The following PBRM1 variants were observed in gnomAD, a reference collection of about 807,000 sequenced individuals.
PBRM1 encodes protein polybromo-1.
Under a neutral mutation model 194.5 loss-of-function variants are expected in PBRM1, and 27 were observed. The observed-to-expected ratio is 0.14, with a 90% CI of 0.10 to 0.19. The LOEUF is 0.19. Among genes scored for constraint, PBRM1 ranks in the 10% least tolerant of loss-of-function variants. The pLI is 1.00. For synonymous variants in PBRM1, 655 were observed against 693.2 expected (o/e 0.94, Z 0.87); for missense variants, 1,466 against 2,077.2 (o/e 0.71, Z 5.72).
chr3:52,573,801 T>C (rs1322649775), intron 22 of PBRM1, among the ~76,000 whole-genome samples: 2 of 152,178 alleles, frequency 1.3e-5, no homozygotes, highest in Non-Finnish European at 2.9e-5. Context: ...TGACTGAAAC[T>C]TGGCAGGAAA....
chr3:52,598,758 C>T (rs1384455673), intron 17 of PBRM1, among the ~76,000 whole-genome samples: 5 of 152,198 alleles, frequency 3.3e-5, no homozygotes, highest in South Asian at 2.1e-4. Context: ...CAGTGGCTCA[C>T]GCCTGTAATC....
intron 16 of PBRM1, among the ~76,000 whole-genome samples, chr3:52,605,016 A>AC (rs1466746545): frequency 1.4e-5 from 2 of 144,988 alleles, no homozygotes; most frequent in African/African-American, 2.5e-5. Flanking sequence ...GGCAAAATAA[A>AC]CTTCAGACTT....
At chr3:52,643,289 G>A (rs771317383) in exon 9 of PBRM1, 15 of 1,613,632 alleles carry the variant, frequency 9.3e-6, no homozygotes, top group Non-Finnish European at 1.2e-5. Flanking sequence ...CACCAAGGCT[G>A]CCTTTACTGT....
At chr3:52,591,988 G>A (rs574666876) in intron 17 of PBRM1, among the ~76,000 whole-genome samples, 10 of 147,770 alleles carry the variant, frequency 6.8e-5, no homozygotes, top group African/African-American at 1.3e-4. Flanking sequence ...GACCATGCCC[G>A]GCTAATTTTT....
At position 52,548,251 on chromosome 3, in the gene PBRM1, C is replaced by G; in HGVS notation, c.4898-16G>C. The G allele has an allele frequency of 1.9e-6, 3 of 1,542,842 alleles. No individual in the cohort carries two copies. Among genetic ancestry groups the G allele is most frequent in the Non-Finnish European group, 2.6e-6 (3 of 1,150,404 alleles). The stretch of plus-strand genomic sequence containing the variant: ...CGTCTTCGAGCTGAAAATTAAAGTA[C>G]AGAGAGACAGAAATTAGAATTTTAA... On this transcript the variant is annotated splice_polypyrimidine_tract_variant and intron_variant, in intron 29 of 29. Transcript: ENST00000296302.
At position 52,609,994 on chromosome 3, in the gene PBRM1, T is replaced by C; in HGVS notation, c.1925-39A>G. On this transcript the variant is annotated intron_variant, in intron 15 of 29. Coordinates refer to ENST00000296302, the Ensembl canonical transcript of PBRM1. This position sits in a 1 kb window ranked among gnomAD's most constrained non-coding sequence, Gnocchi z 4.1. ...TTTAATGTTAAATGAATAAAATAAATGAACCTAAATTTGTATACAGATGGT... is the reference window on the plus strand; with the variant it reads ...TTTAATGTTAAATGAATAAAATAAACGAACCTAAATTTGTATACAGATGGT... 1 of 1,278,804 alleles carries C rather than the reference T, an allele frequency of 7.8e-7. No homozygotes were observed. The highest frequency in any genetic ancestry group is 1.8e-5 in the South Asian group (1 of 56,274). 79.2% of individuals were successfully genotyped at this position (1,278,804 alleles called of 1,614,324 possible).
intron 17 of PBRM1, among the ~76,000 whole-genome samples, chr3:52,589,681 A>G (rs1291871347): frequency 2.0e-5 from 3 of 152,176 alleles, no homozygotes; most frequent in African/African-American, 7.2e-5. Context: ...TTACACGAAT[A>G]TGACACATTT....
intron 5 of PBRM1, among the ~76,000 whole-genome samples, chr3:52,652,629 G>C (rs535221122): frequency 3.9e-5 from 6 of 151,974 alleles, no homozygotes; most frequent in Admixed American, 3.9e-4. Context: ...GGCAGAGGTT[G>C]CAGCGAGCCG....
At chr3:52,600,927 G>A (rs1285429237) in intron 17 of PBRM1, among the ~76,000 whole-genome samples, 5 of 152,122 alleles carry the variant, frequency 3.3e-5, no homozygotes, top group African/African-American at 7.2e-5. Flanking sequence ...ATGAGCCACC[G>A]TGCCCAGCCG....
At chr3:52,668,796 A>AAAG in intron 2 of PBRM1, 151 bp from the exon 4 acceptor site, 32 of 433,500 alleles carry the variant, frequency 7.4e-5, no homozygotes, top group Non-Finnish European at 1.0e-4. Context: ...AAAAAAAAAA[A>AAAG]AAAGAAAAAA....
rs1268414523 is a variant in PBRM1, at chr3:52,652,359, GGGGGACAAGAAA to G, written c.646-561_646-550del. Among the ~76,000 whole-genome samples, 3 of 149,746 alleles carry G rather than the reference GGGGGACAAGAAA, an allele frequency of 2.0e-5. No individual in the cohort carries two copies. In the East Asian group the frequency reaches 6.0e-4, roughly 30 times the overall value. On this transcript the variant is annotated intron_variant, in intron 5 of 29. Coordinates refer to ENST00000296302, the Ensembl canonical transcript of PBRM1. ...AGATCGTGCCATTATACTCCAGCCT[GGGGGACAAGAAA>G]GAGACTTCGTCTCAAAAAAAAAAAA...
At chr3:52,553,055 G>A (rs977430577) in intron 27 of PBRM1, among the ~76,000 whole-genome samples, 4 of 152,206 alleles carry the variant, frequency 2.6e-5, no homozygotes, top group African/African-American at 7.2e-5. Context: ...ACACTGCTGG[G>A]TGCACCCTCC....
intron 20 of PBRM1, 73 bp downstream of exon 22, chr3:52,586,352 C>G (rs137918288): frequency 7.8e-7 from 1 of 1,280,852 alleles, no homozygotes; most frequent in African/African-American, 1.5e-5. Context: ...AGTTTGAATA[C>G]TTTATTCATT....
At chr3:52,656,097 G>C (rs1452573285) in intron 5 of PBRM1, among the ~76,000 whole-genome samples, 1 of 152,180 alleles carries the variant, frequency 6.6e-6, no homozygotes, top group Non-Finnish European at 1.5e-5. Context: ...TGAGAATGCT[G>C]AGGCCATGAA....
chr3:52,625,397 G>A (rs932794447), intron 13 of PBRM1, among the ~76,000 whole-genome samples: 1 of 151,866 alleles, frequency 6.6e-6, no homozygotes, highest in Admixed American at 6.6e-5. Flanking sequence ...ATCTTTTAAC[G>A]TCCACTCATG....
chr3:52,589,215 G>A (rs2092764516), exon 18 of PBRM1: 1 of 1,573,054 alleles, frequency 6.4e-7, no homozygotes, highest in South Asian at 1.2e-5. Context: ...GTAAGCCTGA[G>A]AGGCCTGCAG....
chr3:52,604,597 G>C (rs1425135996), intron 16 of PBRM1, among the ~76,000 whole-genome samples: 1 of 152,124 alleles, frequency 6.6e-6, no homozygotes, highest in Non-Finnish European at 1.5e-5. Flanking sequence ...GGAAGCTGAG[G>C]CGGGAGGGTC....
At chr3:52,664,400 A>C (rs2096786321) in intron 3 of PBRM1, among the ~76,000 whole-genome samples, 1 of 143,844 alleles carries the variant, frequency 7.0e-6, no homozygotes, top group African/African-American at 2.6e-5. Flanking sequence ...CACCAAGAAA[A>C]TTGAAAGAAC....
At chr3:52,558,901 C>T (rs974753633) in intron 25 of PBRM1, among the ~76,000 whole-genome samples, 4 of 152,156 alleles carry the variant, frequency 2.6e-5, no homozygotes, top group Admixed American at 6.5e-5. Context: ...GAGGACTCAT[C>T]ACGAGTGTCA....
Sources: allele counts gnomAD v4.1 joint callset (sites outside exome capture counted in the v4.1 genomes callset), GRCh38; gene constraint gnomAD v4.1.1; non-coding constraint Gnocchi (gnomAD v3.1); transcripts MANE v1.5; gene names NCBI Gene and HGNC (gene_info 2026-07-23, HGNC 2026-07-21).